MTUS2: variants seen among roughly 807,000 people sequenced by gnomAD.
MTUS2 encodes the protein microtubule-associated tumor suppressor candidate 2.
MTUS2 carries 40 observed loss-of-function variants against 114.1 expected under a neutral mutation model. That is an observed-to-expected ratio of 0.35 (90% confidence interval 0.27 to 0.46). The LOEUF is 0.46. Ranked by LOEUF, MTUS2 falls within the 20% of genes least tolerant of loss-of-function variation. MTUS2 has a pLI of 1.00. For synonymous variants in MTUS2, 688 were observed against 672.0 expected (o/e 1.02, Z -0.37); for missense variants, 1,679 against 1,705.4 (o/e 0.98, Z 0.27).
chr13:28,965,945 A>T lies in MTUS2; in HGVS notation c.-242-58512A>T, dbSNP rs530729561. On this transcript the variant is annotated intron_variant, in intron 2 of 15. Coordinates refer to ENST00000612955, the MANE Select transcript of MTUS2 (RefSeq NM_001033602.4). ...CAGCAACATCTAGATGGATTTGCCTAAACAACTGGGCACCATGGCCTAGCC... is the reference window on the plus strand; with the variant it reads ...CAGCAACATCTAGATGGATTTGCCTTAACAACTGGGCACCATGGCCTAGCC... Among the ~76,000 whole-genome samples the T allele has an allele frequency of 6.6e-5, 10 of 152,328 alleles. No homozygotes were observed. In the South Asian group the frequency reaches 2.1e-3, roughly 32 times the overall value.
intron 6 of MTUS2, among the ~76,000 whole-genome samples, chr13:29,323,311 G>A (rs1900332576): frequency 6.6e-6 from 1 of 151,594 alleles, no homozygotes; most frequent in African/African-American, 2.4e-5. Flanking sequence ...GTGCAGTGGC[G>A]TGATCTCGGC....
intron 9 of MTUS2, among the ~76,000 whole-genome samples, chr13:29,466,115 T>C (rs1392266493): frequency 6.6e-6 from 1 of 152,242 alleles, no homozygotes; most frequent in Non-Finnish European, 1.5e-5. Context: ...CAGACAGGCC[T>C]GCCCTTTGGG....
intron 2 of MTUS2, among the ~76,000 whole-genome samples, chr13:28,864,731 T>TG (rs1200583320): frequency 3.3e-5 from 5 of 152,210 alleles, no homozygotes; most frequent in Non-Finnish European, 4.4e-5. Context: ...TTAGTTCTGT[T>TG]GGGCATTTTC....
At chr13:29,083,754 A>T (rs75328766) in intron 4 of MTUS2, among the ~76,000 whole-genome samples, 4,757 of 152,284 alleles carry the variant, frequency 0.031, 263 homozygotes, top group African/African-American at 0.11. Flanking sequence ...ACATTGAGCC[A>T]TACTAACTGG....
intron 5 of MTUS2, among the ~76,000 whole-genome samples, chr13:29,240,549 A>G (rs1896694442): frequency 6.7e-6 from 1 of 150,336 alleles, no homozygotes; most frequent in South Asian, 2.2e-4. Context: ...CCCTGTGTGA[A>G]TCACAGTTGT....
At chr13:28,833,828 A>T (rs1217143015) in intron 1 of MTUS2, among the ~76,000 whole-genome samples, 1 of 152,206 alleles carries the variant, frequency 6.6e-6, no homozygotes, top group East Asian at 1.9e-4. Context: ...TGAGAACTAA[A>T]AAGTTCAGTA....
intron 2 of MTUS2, among the ~76,000 whole-genome samples, chr13:28,969,797 C>T (rs1883770528): frequency 2.0e-5 from 2 of 101,534 alleles, no homozygotes; most frequent in African/African-American, 6.7e-5. Flanking sequence ...GCCACTGCGC[C>T]CGGCTGAAGT....
intron 6 of MTUS2, among the ~76,000 whole-genome samples, chr13:29,310,684 C>T (rs977849355): frequency 3.3e-5 from 5 of 152,288 alleles, no homozygotes; most frequent in African/African-American, 1.2e-4. Flanking sequence ...CAATTCAAAT[C>T]ACAGCGAGGT....
chr13:28,913,150 T>C (rs1038129020), intron 2 of MTUS2, among the ~76,000 whole-genome samples: 2 of 152,204 alleles, frequency 1.3e-5, no homozygotes, highest in African/African-American at 4.8e-5. Context: ...CAACACTATG[T>C]TGAATAGCAG....
intron 2 of MTUS2, among the ~76,000 whole-genome samples, chr13:28,969,867 G>A (rs895854675): frequency 1.3e-5 from 2 of 152,180 alleles, no homozygotes; most frequent in African/African-American, 2.4e-5. Context: ...TGCAACCTCT[G>A]CCTCCTGGGT....
chr13:29,495,577 A>G (rs1386669731), intron 12 of MTUS2, among the ~76,000 whole-genome samples: 1 of 152,052 alleles, frequency 6.6e-6, no homozygotes, highest in Non-Finnish European at 1.5e-5. Flanking sequence ...CTTGCCAGAA[A>G]AGTTCATGGG....
At chr13:29,306,112 A>G (rs901502081) in intron 6 of MTUS2, among the ~76,000 whole-genome samples, 20 of 152,248 alleles carry the variant, frequency 1.3e-4, no homozygotes, top group African/African-American at 4.8e-4. Context: ...AACTCTCGAT[A>G]AACTAGGTAT....
chr13:29,290,389 G>A (rs1898656380), intron 6 of MTUS2, among the ~76,000 whole-genome samples: 1 of 152,120 alleles, frequency 6.6e-6, no homozygotes, highest in South Asian at 2.1e-4. Context: ...GAGTGCAGTG[G>A]CGCGATCTCA....
At chr13:28,990,349 C>T (rs976591353) in intron 2 of MTUS2, among the ~76,000 whole-genome samples, 1 of 152,122 alleles carries the variant, frequency 6.6e-6, no homozygotes, top group African/African-American at 2.4e-5. Flanking sequence ...GGATTTTGCT[C>T]TAAGAGTGAG....
At chr13:29,385,054 C>G (rs1284649102) in intron 8 of MTUS2, among the ~76,000 whole-genome samples, 1 of 152,208 alleles carries the variant, frequency 6.6e-6, no homozygotes, top group African/African-American at 2.4e-5. Context: ...ACCAGCCACT[C>G]TGCTGGGCTC....
At chr13:29,088,998 T>G (rs578006654) in intron 4 of MTUS2, among the ~76,000 whole-genome samples, 1 of 152,338 alleles carries the variant, frequency 6.6e-6, no homozygotes, top group African/African-American at 2.4e-5. Flanking sequence ...TGTCATCATG[T>G]TGTTAGCTGG....
intron 2 of MTUS2, among the ~76,000 whole-genome samples, chr13:28,910,933 T>C (rs1880384561): frequency 7.2e-6 from 1 of 138,776 alleles, no homozygotes; most frequent in Non-Finnish European, 1.5e-5. Flanking sequence ...TGGAGTACAG[T>C]GGCGTGATCT....
intron 6 of MTUS2, chr13:29,306,885 C>A (rs1185315358): frequency 2.0e-6 from 1 of 507,776 alleles, no homozygotes; most frequent in South Asian, 1.5e-5. Flanking sequence ...TCAGTGACCC[C>A]TTCATTGACC....
intron 5 of MTUS2, among the ~76,000 whole-genome samples, chr13:29,155,701 T>C (rs1892830259): frequency 6.6e-6 from 1 of 152,206 alleles, no homozygotes; most frequent in African/African-American, 2.4e-5. Flanking sequence ...TATATGTGTG[T>C]ATATATATTT....
Sources: gnomAD v4.1 joint callset for allele counts (sites outside exome capture counted in the v4.1 genomes callset) on GRCh38, gnomAD v4.1.1 for gene constraint, MANE v1.5 for transcripts, NCBI Gene and HGNC (gene_info 2026-07-23, HGNC 2026-07-21) for gene names.